The following CMSS1 variants were observed in gnomAD, a reference collection of about 807,000 sequenced individuals.
CMSS1 encodes the protein protein CMSS1.
In CMSS1, 33 loss-of-function variants were observed where a neutral mutation model predicts 43.5. That is an observed-to-expected ratio of 0.76 (90% confidence interval 0.57 to 1.01). The LOEUF is 1.01. Ranked by LOEUF, CMSS1 falls within the 50% of genes least tolerant of loss-of-function variation. CMSS1 has a pLI of 0.00. For missense variants in CMSS1, 313 were observed against 326.4 expected, an observed-to-expected ratio of 0.96 and a Z score of 0.32; for synonymous variants, 115 against 117.2, an observed-to-expected ratio of 0.98 and a Z score of 0.12.
In CMSS1 at chr3:99,985,220, T is replaced by C. The variant is rs1360992819; in HGVS notation, c.65-161753T>C. Among the ~76,000 whole-genome samples the C allele has an allele frequency of 3.3e-5, 5 of 152,152 alleles. No homozygotes were observed. The East Asian group carries it at 9.6e-4, about 29-fold the overall frequency. On this transcript the variant is annotated intron_variant, in intron 1 of 9. Transcript: ENST00000421999. ...AGGTTGAGAAAACTGCAATTGGTTC[T>C]CTAAAATTAGTCTCAAGAAAGTGAT...
chr3:100,080,868 C>T (rs1318852243), intron 1 of CMSS1, among the ~76,000 whole-genome samples: 1 of 152,180 alleles, frequency 6.6e-6, no homozygotes, highest in African/African-American at 2.4e-5. Flanking sequence ...TACACTTTTC[C>T]TGCCATGGTT....
In CMSS1 at chr3:99,854,550, C is replaced by G. The variant is rs150031776; in HGVS notation, c.64+36507C>G. Among the ~76,000 whole-genome samples, 634 of 152,258 alleles carry G rather than the reference C, an allele frequency of 4.2e-3. 4 individuals are homozygous for G. Among genetic ancestry groups the G allele is most frequent in the African/African-American group, 0.015 (605 of 41,546 alleles). ...AGGGATAATCTATGCCAGGGTTTCTCCATCTTCAGCACTGTTGATATTTGG... is the reference window on the plus strand; with the variant it reads ...AGGGATAATCTATGCCAGGGTTTCTGCATCTTCAGCACTGTTGATATTTGG... On this transcript the variant is annotated intron_variant, in intron 1 of 9. Transcript: ENST00000421999.
At chr3:99,904,709 A>C (rs1053833145) in intron 1 of CMSS1, among the ~76,000 whole-genome samples, 1 of 152,082 alleles carries the variant, frequency 6.6e-6, no homozygotes, top group Non-Finnish European at 1.5e-5. Context: ...CACTGTAGCA[A>C]CTACCTCCTT....
intron 1 of CMSS1, among the ~76,000 whole-genome samples, chr3:100,136,284 GA>G (rs200459328): frequency 7.3e-5 from 11 of 150,732 alleles, no homozygotes; most frequent in African/African-American, 1.7e-4. Flanking sequence ...ATGATAACTA[GA>G]AAAAAAAACA....
chr3:100,096,752 T>C (rs1350094722), intron 1 of CMSS1, among the ~76,000 whole-genome samples: 1 of 152,042 alleles, frequency 6.6e-6, no homozygotes, highest in Non-Finnish European at 1.5e-5. Context: ...CATTTTAAAA[T>C]AACTGAAAGA....
chr3:99,859,669 T>TG (rs1944143426), intron 1 of CMSS1, among the ~76,000 whole-genome samples: 1 of 152,230 alleles, frequency 6.6e-6, no homozygotes, highest in Admixed American at 6.5e-5. Context: ...TTAACTGTGT[T>TG]GCGTTGATAG....
At position 99,823,750 on chromosome 3, in the gene CMSS1, T is replaced by C. The variant is rs917780252; in HGVS notation, c.64+5707T>C. Among the ~76,000 whole-genome samples, 14 of 152,098 alleles carry C rather than the reference T, an allele frequency of 9.2e-5. 1 individual carries two copies. Among genetic ancestry groups the C allele is most frequent in the Admixed American group, 8.5e-4 (13 of 15,270 alleles). ...TGAAATTCAGATTACTTACCATGGC[T>C]GGTGGCCACCAGGTCTTCTACTATT... On this transcript the variant is annotated intron_variant, in intron 1 of 9. Transcript: ENST00000421999.
intron 1 of CMSS1, among the ~76,000 whole-genome samples, chr3:99,958,817 T>C (rs563636459): frequency 5.3e-5 from 8 of 152,214 alleles, no homozygotes; most frequent in African/African-American, 1.9e-4. Context: ...CCAGAGGAGA[T>C]GTCAAAATGA....
chr3:100,079,514 A>G (rs369495875), intron 1 of CMSS1, among the ~76,000 whole-genome samples: 1 of 152,350 alleles, frequency 6.6e-6, no homozygotes. Context: ...TGAAAAATCA[A>G]AAGAGTTATT....
intron 1 of CMSS1, among the ~76,000 whole-genome samples, chr3:100,134,007 T>C (rs897598420): frequency 6.6e-6 from 1 of 152,158 alleles, no homozygotes; most frequent in Non-Finnish European, 1.5e-5. Context: ...TGCCAAAGGG[T>C]ACTCTTAACA....
intron 1 of CMSS1, among the ~76,000 whole-genome samples, chr3:100,025,988 C>T (rs1267965495): frequency 6.6e-6 from 1 of 152,156 alleles, no homozygotes; most frequent in Non-Finnish European, 1.5e-5. Flanking sequence ...GGTCAAGTAC[C>T]TTACCTCGCT....
intron 1 of CMSS1, among the ~76,000 whole-genome samples, chr3:100,144,400 G>A (rs929767482): frequency 6.6e-6 from 1 of 152,186 alleles, no homozygotes; most frequent in African/African-American, 2.4e-5. Context: ...AGGAGGGGAT[G>A]GAAGTCCAGG....
At chr3:99,929,432 C>G (rs1326574473) in intron 1 of CMSS1, among the ~76,000 whole-genome samples, 1 of 151,976 alleles carries the variant, frequency 6.6e-6, no homozygotes, top group African/African-American at 2.4e-5. Flanking sequence ...TGACATAATA[C>G]CTCAGTGTTT....
At chr3:100,168,463 G>C (rs113436232) in intron 6 of CMSS1, among the ~76,000 whole-genome samples, 20 of 152,250 alleles carry the variant, frequency 1.3e-4, no homozygotes, top group African/African-American at 4.6e-4. Context: ...GGGAGGCTGA[G>C]GTGGGAGAAC....
chr3:100,121,196 A>G (rs895079272), intron 1 of CMSS1, among the ~76,000 whole-genome samples: 1 of 151,828 alleles, frequency 6.6e-6, no homozygotes, highest in African/African-American at 2.4e-5. Flanking sequence ...GCACCCATCA[A>G]CCCATCACCT....
At chr3:99,857,324 G>A (rs1206199862) in intron 1 of CMSS1, among the ~76,000 whole-genome samples, 4 of 152,314 alleles carry the variant, frequency 2.6e-5, no homozygotes, top group Middle Eastern at 3.4e-3. Flanking sequence ...AATCAACACT[G>A]TTGGAACAGG....
At position 100,115,061 on chromosome 3, in the gene CMSS1, ATACT is replaced by A. The variant is rs2066546678; in HGVS notation, c.65-31909_65-31906del. The A allele has an allele frequency of 1.1e-5, 12 of 1,128,962 alleles. No homozygotes were observed. In the South Asian group the frequency reaches 1.6e-4, roughly 15 times the overall value. 69.9% of individuals were successfully genotyped at this position (1,128,962 alleles called of 1,614,324 possible). On this transcript the variant is annotated intron_variant, in intron 1 of 9. Transcript: ENST00000421999. Reference sequence around the variant, plus strand: ...TTATTCAAGTGTTAAGAAAACCTTCATACTTAGGATTGCTAAAATTTGAAGCATC... The same window carrying A: ...TTATTCAAGTGTTAAGAAAACCTTCATAGGATTGCTAAAATTTGAAGCATC...
intron 4 of CMSS1, among the ~76,000 whole-genome samples, chr3:100,162,908 G>A (rs775850696): frequency 7.2e-5 from 11 of 152,256 alleles, no homozygotes; most frequent in Non-Finnish European, 1.5e-4. Context: ...CTGGGAGGCC[G>A]AGGTTACAGT....
intron 1 of CMSS1, among the ~76,000 whole-genome samples, chr3:99,827,076 T>G (rs887466832): frequency 4.6e-5 from 7 of 152,244 alleles, no homozygotes; most frequent in African/African-American, 1.7e-4. Context: ...TGTTTTGAAC[T>G]CCAAATAGTA....
Sources: allele counts gnomAD v4.1 joint callset (sites outside exome capture counted in the v4.1 genomes callset), GRCh38; gene constraint gnomAD v4.1.1; transcripts MANE v1.5; gene names NCBI Gene and HGNC (gene_info 2026-07-23, HGNC 2026-07-21).